The following ADGRB3 variants were observed in gnomAD, a reference collection of about 807,000 sequenced individuals.
ADGRB3 encodes brain-specific angiogenesis inhibitor 3.
A neutral mutation model predicts 193.4 loss-of-function variants in ADGRB3; 37 were observed. The observed-to-expected ratio is 0.19, with a 90% CI of 0.15 to 0.25. ADGRB3 has a LOEUF of 0.25. Ranked by LOEUF, ADGRB3 falls within the 10% of genes least tolerant of loss-of-function variation. ADGRB3 has a pLI of 1.00. For missense variants in ADGRB3, 1,637 were observed against 1,852.9 expected (o/e 0.88, Z 2.14); for synonymous variants, 690 against 644.2 (o/e 1.07, Z -1.08).
chr6:68,868,825 CA>C (rs1765377307), intron 3 of ADGRB3, among the ~76,000 whole-genome samples: 1 of 151,580 alleles, frequency 6.6e-6, no homozygotes, highest in Non-Finnish European at 1.5e-5. Flanking sequence ...CCTTGTAATA[CA>C]ATAATACAAA....
At chr6:69,171,300 C>G (rs1252437139) in intron 17 of ADGRB3, among the ~76,000 whole-genome samples, 5 of 152,086 alleles carry the variant, frequency 3.3e-5, no homozygotes, top group Admixed American at 3.3e-4. Context: ...TTGATAAGAA[C>G]AAGAAAAGAA....
chr6:68,772,603 A>T (rs1766639467), intron 3 of ADGRB3, among the ~76,000 whole-genome samples: 1 of 151,976 alleles, frequency 6.6e-6, no homozygotes, highest in East Asian at 1.9e-4. Context: ...TTTTGCCAGT[A>T]CTCTAATGAG....
chr6:69,224,955 C>T (rs1386097142), intron 17 of ADGRB3, among the ~76,000 whole-genome samples: 2 of 152,090 alleles, frequency 1.3e-5, no homozygotes, highest in African/African-American at 2.4e-5. Context: ...TTAATATTAA[C>T]ACTCTCATCA....
At chr6:69,068,687 T>A (rs541036478) in intron 16 of ADGRB3, among the ~76,000 whole-genome samples, 1 of 152,294 alleles carries the variant, frequency 6.6e-6, no homozygotes, top group African/African-American at 2.4e-5. Context: ...TAGTGATATA[T>A]CTCAGAAATT....
chr6:69,329,711 C>A (rs1355397380), intron 22 of ADGRB3, among the ~76,000 whole-genome samples: 1 of 152,112 alleles, frequency 6.6e-6, no homozygotes, highest in African/African-American at 2.4e-5. Flanking sequence ...CTTTTTGCAC[C>A]AGCAGCCCCT....
chr6:69,013,125 GT>G (rs1202102990), intron 11 of ADGRB3, among the ~76,000 whole-genome samples: 1 of 152,082 alleles, frequency 6.6e-6, no homozygotes, highest in Non-Finnish European at 1.5e-5. Flanking sequence ...TTCTCTCCTG[GT>G]TCCTGTGTCT....
rs139088657 is a variant in ADGRB3 at position 69,002,375 on chromosome 6, C to T, written c.1929+8413C>T. 1.1e-3 allele frequency among the ~76,000 whole-genome samples: 164 copies of T among 152,092 alleles called. No homozygotes were observed. The East Asian group carries it at 0.025, about 23-fold the overall frequency. On this transcript the variant is annotated intron_variant, in intron 11 of 31. Coordinates refer to ENST00000370598, the MANE Select transcript of ADGRB3 (RefSeq NM_001704.3). ...CTGGGACTACAGGTGCATACCACCACGCCTGGCTAATTTTTGTATTTTTAA... is the reference window on the plus strand; with the variant it reads ...CTGGGACTACAGGTGCATACCACCATGCCTGGCTAATTTTTGTATTTTTAA...
intron 10 of ADGRB3, among the ~76,000 whole-genome samples, chr6:68,987,595 C>T (rs180801656): frequency 6.6e-6 from 1 of 152,092 alleles, no homozygotes. Flanking sequence ...CATATAAAAC[C>T]TGAGTGAAGC....
intron 16 of ADGRB3, among the ~76,000 whole-genome samples, chr6:69,072,879 G>C (rs1772116745): frequency 6.6e-6 from 1 of 152,164 alleles, no homozygotes; most frequent in Non-Finnish European, 1.5e-5. Flanking sequence ...CAAGCTATAT[G>C]AAAAATTCAG....
At chr6:69,305,313 A>C (rs987734951) in intron 20 of ADGRB3, among the ~76,000 whole-genome samples, 33 of 151,748 alleles carry the variant, frequency 2.2e-4, no homozygotes, top group African/African-American at 7.3e-4. Context: ...AAATTGTTAC[A>C]GTGCCACAAA....
chr6:68,783,099 C>A (rs1230611568), intron 3 of ADGRB3, among the ~76,000 whole-genome samples: 1 of 151,524 alleles, frequency 6.6e-6, no homozygotes, highest in Non-Finnish European at 1.5e-5. Context: ...AACTGTAATA[C>A]ATTGTTTAAA....
At chr6:68,816,169 G>T (rs186701214) in intron 3 of ADGRB3, among the ~76,000 whole-genome samples, 2 of 151,822 alleles carry the variant, frequency 1.3e-5, no homozygotes, top group Admixed American at 1.3e-4. Context: ...AATAAATTAC[G>T]TTTACTTTGA....
chr6:69,089,918 A>G (rs1412241037), intron 17 of ADGRB3, among the ~76,000 whole-genome samples: 1 of 152,234 alleles, frequency 6.6e-6, no homozygotes, highest in African/African-American at 2.4e-5. Context: ...AAATCACCCC[A>G]GGTTGAGAAC....
chr6:68,680,124 G>T (rs1023591782), intron 3 of ADGRB3, among the ~76,000 whole-genome samples: 1 of 152,120 alleles, frequency 6.6e-6, no homozygotes, highest in Non-Finnish European at 1.5e-5. Context: ...CTACCTCGAA[G>T]TTAGATTTCT....
chr6:68,936,608 T>C lies in ADGRB3; in HGVS notation c.958T>C (p.Ser320Pro). 1 of 1,614,024 alleles carries C rather than the reference T, an allele frequency of 6.2e-7. No individual in the cohort carries two copies. ...GSQVRTRTCV[S>P]PYGTHCSGPL... Reference sequence around the variant, plus strand: ...GCAGGTGCGAACCAGAACTTGTGTATCACCTTACGGGACACACTGCAGCGG... The same window carrying C: ...GCAGGTGCGAACCAGAACTTGTGTACCACCTTACGGGACACACTGCAGCGG... The change falls in exon 5 of 32, where the codon TCA (serine) becomes CCA (proline). Residue 320 changes from serine (S) to proline (P), a missense_variant. Transcript: ENST00000370598.
At chr6:69,008,522 T>C (rs1374544281) in intron 11 of ADGRB3, among the ~76,000 whole-genome samples, 1 of 152,180 alleles carries the variant, frequency 6.6e-6, no homozygotes, top group Admixed American at 6.5e-5. Context: ...CTGACTTTAC[T>C]GTCTGGCTGA....
intron 26 of ADGRB3, among the ~76,000 whole-genome samples, chr6:69,352,283 T>C (rs1769242168): frequency 6.6e-6 from 1 of 152,186 alleles, no homozygotes; most frequent in South Asian, 2.1e-4. Context: ...AAAAATCTAA[T>C]TTTATCCCAG....
chr6:68,801,586 G>T (rs1279003776), intron 3 of ADGRB3, among the ~76,000 whole-genome samples: 2 of 152,262 alleles, frequency 1.3e-5, no homozygotes, highest in East Asian at 3.9e-4. Context: ...CTTCTTGGGA[G>T]GCTGAGGCAA....
At chr6:69,174,299 A>T (rs553221610) in intron 17 of ADGRB3, among the ~76,000 whole-genome samples, 5 of 152,012 alleles carry the variant, frequency 3.3e-5, no homozygotes, top group Non-Finnish European at 7.4e-5. Flanking sequence ...ATTGCCATTT[A>T]TGTTCCTGAG....
Sources: allele counts gnomAD v4.1 joint callset (sites outside exome capture counted in the v4.1 genomes callset), GRCh38; gene constraint gnomAD v4.1.1; transcripts MANE v1.5; gene names NCBI Gene and HGNC (gene_info 2026-07-23, HGNC 2026-07-21).